GPHN: variants seen among roughly 807,000 people sequenced by gnomAD.
The protein encoded by GPHN is gephyrin.
GPHN carries 17 observed loss-of-function variants against 95.5 expected under a neutral mutation model. That is an observed-to-expected ratio of 0.18 (90% CI 0.12 to 0.27). The LOEUF (loss-of-function observed/expected upper bound fraction) is 0.27, where lower values mean the gene tolerates loss of function less well. Among genes scored for constraint, GPHN ranks in the 10% least tolerant of loss-of-function variants. The pLI is 1.00. For missense variants in GPHN, 660 were observed against 978.1 expected (o/e 0.67, Z 4.34); for synonymous variants, 320 against 322.5 (o/e 0.99, Z 0.08).
At chr14:66,838,258 A>C (rs1198720753) in intron 4 of GPHN, among the ~76,000 whole-genome samples, 3 of 152,162 alleles carry the variant, frequency 2.0e-5, no homozygotes, top group African/African-American at 7.2e-5. Context: ...GGCACTAAAA[A>C]CAATATTTCC....
At position 67,049,232 on chromosome 14, in the gene GPHN, G is replaced by GTT. The variant is rs112593286; in HGVS notation, c.1007-9416_1007-9415dup. On this transcript the variant is annotated intron_variant, in intron 10 of 22. Transcript: ENST00000478722. ...TAAGTTTGTTGTTGTTGTTGTTGTT[G>GTT]TTGTTGTTGTTTTGAGAGAGAGTCT... Among the ~76,000 whole-genome samples the GTT allele has an allele frequency of 3.6e-3, 550 of 151,936 alleles. 11 individuals are homozygous for GTT. Among genetic ancestry groups the GTT allele is most frequent in the African/African-American group, 0.012 (514 of 41,430 alleles).
At chr14:67,196,744 C>T in the GPHN span, 2 of 152,204 alleles carry the variant, frequency 1.3e-5, no homozygotes, top group Non-Finnish European at 2.9e-5. Context: ...TGGTTCCACT[C>T]ACCAAAAGAC....
chr14:67,150,031 T>C (rs1225209444), intron 18 of GPHN, among the ~76,000 whole-genome samples: 3 of 152,182 alleles, frequency 2.0e-5, no homozygotes, highest in African/African-American at 4.8e-5. Flanking sequence ...TCTTAGAAAT[T>C]AGGTATCTTA....
intron 5 of GPHN, among the ~76,000 whole-genome samples, chr14:66,910,743 A>T (rs573580987): frequency 6.6e-6 from 1 of 152,144 alleles, no homozygotes; most frequent in South Asian, 2.1e-4. Flanking sequence ...TTTCTGAGTC[A>T]ATATTTATCC....
the GPHN span, among the ~76,000 whole-genome samples, chr14:67,306,916 T>TAGC: frequency 5.9e-5 from 9 of 152,338 alleles, no homozygotes; most frequent in Non-Finnish European, 1.0e-4. Context: ...CATCTGTTGA[T>TAGC]AGCAGCAGCA....
At chr14:67,545,288 G>A in the GPHN span, among the ~76,000 whole-genome samples, 1 of 152,174 alleles carries the variant, frequency 6.6e-6, no homozygotes, top group Non-Finnish European at 1.5e-5. Context: ...AAGAAGGTTT[G>A]TACATTTCTA....
intron 1 of GPHN, among the ~76,000 whole-genome samples, chr14:66,588,269 C>G (rs377700084): frequency 6.6e-6 from 1 of 151,748 alleles, no homozygotes; most frequent in East Asian, 1.9e-4. Context: ...TAGAGAAATC[C>G]ACGAAGTTGA....
At chr14:66,829,847 G>T (rs908404336) in intron 4 of GPHN, among the ~76,000 whole-genome samples, 8 of 152,018 alleles carry the variant, frequency 5.3e-5, no homozygotes, top group African/African-American at 1.9e-4. Context: ...CTTTCACAGG[G>T]GTAAGCAATG....
chr14:67,462,459 C>T, the GPHN span, among the ~76,000 whole-genome samples: 4 of 152,332 alleles, frequency 2.6e-5, no homozygotes, highest in South Asian at 8.3e-4. Flanking sequence ...AATCCTCCTG[C>T]CTCAGCCTCC....
chr14:67,303,741 A>G, the GPHN span: 1 of 662,388 alleles, frequency 1.5e-6, no homozygotes, highest in Admixed American at 2.8e-5. Flanking sequence ...TGAAATATCA[A>G]TGTTTTAAAT....
the GPHN span, among the ~76,000 whole-genome samples, chr14:67,457,174 G>T: frequency 3.9e-5 from 6 of 152,030 alleles, no homozygotes; most frequent in Non-Finnish European, 5.9e-5. Flanking sequence ...CTACCTATAG[G>T]GTACTATGCT....
chr14:66,900,618 C>T (rs1318826580), intron 5 of GPHN, among the ~76,000 whole-genome samples: 2 of 151,834 alleles, frequency 1.3e-5, no homozygotes, highest in South Asian at 2.1e-4. Flanking sequence ...TTAGCCCCCA[C>T]ATTATGAGGG....
chr14:67,006,028 G>A lies in GPHN; in HGVS notation c.964-17605G>A, dbSNP rs959622217. Among the ~76,000 whole-genome samples the A allele has an allele frequency of 5.3e-5, 8 of 150,776 alleles. No individual in the cohort carries two copies. In the South Asian group the frequency reaches 1.7e-3, roughly 31 times the overall value. ...AATGGAAAAAAGAGAAGAGAAGGAA[G>A]GAGAAAATAAAAGGAAGGGAGGCAA... On this transcript the variant is annotated intron_variant, in intron 9 of 22. Coordinates refer to ENST00000478722, the MANE Select transcript of GPHN (RefSeq NM_020806.5).
chr14:66,602,672 T>C lies in GPHN; in HGVS notation c.65-78435T>C, dbSNP rs1006298002. On this transcript the variant is annotated intron_variant, in intron 1 of 22. Coordinates refer to ENST00000478722, the MANE Select transcript of GPHN (RefSeq NM_020806.5). The stretch of plus-strand genomic sequence containing the variant: ...TAATGCCTGCAATAGTAAATGTTTA[T>C]TTATGATAAAACTCTGATTAGGTAG... 2.0e-5 allele frequency among the ~76,000 whole-genome samples: 3 copies of C among 151,888 alleles called. No homozygotes were observed. The South Asian group carries it at 6.2e-4, about 31-fold the overall frequency.
intron 1 of GPHN, among the ~76,000 whole-genome samples, chr14:66,527,814 G>A (rs764790982): frequency 6.6e-6 from 1 of 152,176 alleles, no homozygotes; most frequent in Admixed American, 6.5e-5. Flanking sequence ...TAATTTGATT[G>A]CACTGTGGTC....
chr14:67,258,600 T>C, the GPHN span, among the ~76,000 whole-genome samples: 1 of 152,114 alleles, frequency 6.6e-6, no homozygotes, highest in Non-Finnish European at 1.5e-5. Context: ...TTTTGTACTT[T>C]ATGTAGAAAT....
At chr14:67,209,691 G>A in the GPHN span, among the ~76,000 whole-genome samples, 1 of 151,418 alleles carries the variant, frequency 6.6e-6, no homozygotes, top group African/African-American at 2.4e-5. Flanking sequence ...GGTGGCAGGC[G>A]CCTGTAATCC....
chr14:67,201,621 A>C, the GPHN span: 1 of 443,756 alleles, frequency 2.3e-6, no homozygotes, highest in Non-Finnish European at 4.5e-6. Context: ...AGGGGTGTGG[A>C]GTGGAACCAC....
the GPHN span, among the ~76,000 whole-genome samples, chr14:67,362,880 C>T: frequency 6.6e-6 from 1 of 152,122 alleles, no homozygotes; most frequent in Non-Finnish European, 1.5e-5. Flanking sequence ...GAATAACATA[C>T]CATCAACAGT....
Sources: allele counts gnomAD v4.1 joint callset (sites outside exome capture counted in the v4.1 genomes callset), GRCh38; gene constraint gnomAD v4.1.1; transcripts MANE v1.5; gene names NCBI Gene and HGNC (gene_info 2026-07-23, HGNC 2026-07-21).